Variants in CALCR observed in about 807,000 individuals in gnomAD.
The protein encoded by CALCR is calcitonin receptor.
In CALCR, 47 loss-of-function variants were observed where a neutral mutation model predicts 59.5. The ratio of observed to expected loss-of-function variants is 0.79; its 90% CI spans 0.63 to 1.01. CALCR has a LOEUF of 1.01. Among genes scored for constraint, CALCR ranks in the 50% least tolerant of loss-of-function variants. The probability of loss-of-function intolerance (pLI) is 0.00; values close to 1 mark genes in which losing one functional copy is unlikely to be tolerated. For missense variants in CALCR, 566 were observed against 597.1 expected, an observed-to-expected ratio of 0.95 and a Z score of 0.54; for synonymous variants, 213 against 211.3, an observed-to-expected ratio of 1.01 and a Z score of -0.07.
At chr7:93,531,573 T>C (rs1788839026) in intron 2 of CALCR, among the ~76,000 whole-genome samples, 1 of 152,158 alleles carries the variant, frequency 6.6e-6, no homozygotes. Context: ...CTTGAATTTA[T>C]TTTTATATAC....
At chr7:93,513,211 T>C (rs1020186506) in intron 2 of CALCR, among the ~76,000 whole-genome samples, 27 of 152,142 alleles carry the variant, frequency 1.8e-4, no homozygotes, top group African/African-American at 6.5e-4. Context: ...TTAGGGTACC[T>C]ATGAGTAATC....
chr7:93,559,788 T>G (rs745389498), intron 2 of CALCR: 1 of 152,102 alleles, frequency 6.6e-6, no homozygotes, highest in Non-Finnish European at 1.5e-5. Flanking sequence ...TACTTCTCAC[T>G]GGTATTCCTG....
At chr7:93,560,696 T>C (rs1584632964) in intron 2 of CALCR, among the ~76,000 whole-genome samples, 1 of 152,270 alleles carries the variant, frequency 6.6e-6, no homozygotes, top group East Asian at 1.9e-4. Context: ...TACAGAATGG[T>C]GGAGGCACAT....
At chr7:93,495,351 G>T (rs1224028883) in intron 2 of CALCR, among the ~76,000 whole-genome samples, 3 of 151,412 alleles carry the variant, frequency 2.0e-5, no homozygotes, top group African/African-American at 7.2e-5. Context: ...GTTCACTCTT[G>T]CAACCCAAGA....
intron 5 of CALCR, among the ~76,000 whole-genome samples, chr7:93,475,380 T>A (rs1398415336): frequency 1.3e-5 from 2 of 151,778 alleles, no homozygotes; most frequent in East Asian, 3.9e-4. Flanking sequence ...TATTGGACAT[T>A]AACAACATGT....
At chr7:93,460,054 T>C (rs1220445129) in intron 8 of CALCR, among the ~76,000 whole-genome samples, 1 of 152,090 alleles carries the variant, frequency 6.6e-6, no homozygotes, top group Non-Finnish European at 1.5e-5. Context: ...CAAAAGGGAA[T>C]AGCTACTCAT....
intron 8 of CALCR, among the ~76,000 whole-genome samples, chr7:93,448,153 A>G (rs1456872496): frequency 6.6e-6 from 1 of 152,008 alleles, no homozygotes; most frequent in African/African-American, 2.4e-5. Flanking sequence ...CTTAATTCTC[A>G]TGATACATTT....
intron 2 of CALCR, among the ~76,000 whole-genome samples, chr7:93,513,335 C>T (rs1381724996): frequency 6.6e-6 from 1 of 152,146 alleles, no homozygotes; most frequent in Non-Finnish European, 1.5e-5. Flanking sequence ...TTTCTAATAA[C>T]ATCTGCTATT....
At chr7:93,516,246 A>C (rs952896041) in intron 2 of CALCR, among the ~76,000 whole-genome samples, 1 of 152,000 alleles carries the variant, frequency 6.6e-6, no homozygotes, top group African/African-American at 2.4e-5. Flanking sequence ...AATATTTGGC[A>C]TAAGTAGATG....
At chr7:93,555,495 A>G (rs775062166) in intron 2 of CALCR, among the ~76,000 whole-genome samples, 1 of 152,174 alleles carries the variant, frequency 6.6e-6, no homozygotes, top group Non-Finnish European at 1.5e-5. Flanking sequence ...TAGTGGTTTA[A>G]ACTGCAAAAA....
chr7:93,459,959 C>T (rs1307383747), intron 8 of CALCR, among the ~76,000 whole-genome samples: 4 of 152,120 alleles, frequency 2.6e-5, no homozygotes, highest in Non-Finnish European at 5.9e-5. Flanking sequence ...TCCTGTTGCC[C>T]TAACTTTTGC....
intron 2 of CALCR, among the ~76,000 whole-genome samples, chr7:93,543,344 C>T (rs1279955543): frequency 2.6e-5 from 4 of 152,024 alleles, no homozygotes; most frequent in East Asian, 3.9e-4. Context: ...CGGGTTTCAC[C>T]GTGCTGGTCA....
intron 2 of CALCR, among the ~76,000 whole-genome samples, chr7:93,531,929 T>C (rs1461854737): frequency 6.6e-6 from 1 of 152,018 alleles, no homozygotes; most frequent in African/African-American, 2.4e-5. Context: ...TTAGTACATA[T>C]ACCAGATAAA....
chr7:93,462,053 G>A, intron 7 of CALCR: 1 of 1,450,770 alleles, frequency 6.9e-7, no homozygotes, highest in Admixed American at 2.1e-5. Flanking sequence ...AATAGCCTGG[G>A]TTTACTTACA....
intron 2 of CALCR, among the ~76,000 whole-genome samples, chr7:93,520,102 T>G (rs1430787817): frequency 6.6e-6 from 1 of 152,032 alleles, no homozygotes; most frequent in Non-Finnish European, 1.5e-5. Context: ...TTTCAGTTGT[T>G]GAAAAATATC....
At chr7:93,518,959 A>T (rs892000674) in intron 2 of CALCR, among the ~76,000 whole-genome samples, 3 of 151,926 alleles carry the variant, frequency 2.0e-5, no homozygotes, top group Non-Finnish European at 4.4e-5. Flanking sequence ...GAGAGAAAAA[A>T]TTTTTTATCT....
At chr7:93,515,142 A>C (rs1391303644) in intron 2 of CALCR, among the ~76,000 whole-genome samples, 9 of 152,092 alleles carry the variant, frequency 5.9e-5, no homozygotes, top group African/African-American at 2.2e-4. Context: ...TACACTGATC[A>C]ATTCATGATT....
At chr7:93,453,315 A>T (rs1294734618) in intron 8 of CALCR, among the ~76,000 whole-genome samples, 2 of 152,046 alleles carry the variant, frequency 1.3e-5, no homozygotes, top group Non-Finnish European at 2.9e-5. Context: ...TATGATCTCC[A>T]TTTTATACAT....
intron 2 of CALCR, among the ~76,000 whole-genome samples, chr7:93,556,667 A>C (rs565207466): frequency 3.1e-4 from 46 of 150,798 alleles, no homozygotes; most frequent in African/African-American, 1.0e-3. Flanking sequence ...TTTTTTATCT[A>C]TATATATATA....
Sources: allele counts gnomAD v4.1 joint callset (sites outside exome capture counted in the v4.1 genomes callset), GRCh38; gene constraint gnomAD v4.1.1; transcripts MANE v1.5; gene names NCBI Gene and HGNC (gene_info 2026-07-23, HGNC 2026-07-21).